Variants in FOXN3 observed in about 807,000 individuals in gnomAD.
The protein encoded by FOXN3 is forkhead box protein N3.
A neutral mutation model predicts 38.4 loss-of-function variants in FOXN3; 7 were observed. That is an observed-to-expected ratio of 0.18 (90% confidence interval 0.10 to 0.34). The LOEUF (loss-of-function observed/expected upper bound fraction) is 0.34. FOXN3 is among the 10% of genes least tolerant of loss of function. FOXN3 has a pLI of 1.00. For synonymous variants in FOXN3, 230 were observed against 242.2 expected, an observed-to-expected ratio of 0.95 and a Z score of 0.47; for missense variants, 456 against 613.4, an observed-to-expected ratio of 0.74 and a Z score of 2.71.
chr14:89,600,751 TATTA>T (rs1896138964), intron 1 of FOXN3, among the ~76,000 whole-genome samples: 1 of 152,158 alleles, frequency 6.6e-6, no homozygotes, highest in African/African-American at 2.4e-5. Context: ...CCCTATATAC[TATTA>T]ATGCCCTTGG....
At chr14:89,427,301 CTTTTTTT>C (rs34755821) in intron 1 of FOXN3, among the ~76,000 whole-genome samples, 1 of 67,744 alleles carries the variant, frequency 1.5e-5, no homozygotes, top group Non-Finnish European at 2.5e-5. Context: ...GAAAAGGGGA[CTTTTTTT>C]TTTTTTTTTT....
intron 1 of FOXN3, among the ~76,000 whole-genome samples, chr14:89,565,386 C>T (rs1895329922): frequency 1.3e-5 from 2 of 152,114 alleles, no homozygotes; most frequent in South Asian, 4.1e-4. Context: ...TTTGTTATGG[C>T]AACCCAGAGA....
At chr14:89,590,374 G>A (rs1895924626) in intron 1 of FOXN3, among the ~76,000 whole-genome samples, 1 of 152,076 alleles carries the variant, frequency 6.6e-6, no homozygotes, top group Non-Finnish European at 1.5e-5. Context: ...AAGACTGAGG[G>A]TATATGGAAG....
At chr14:89,250,132 A>G (rs997114388) in intron 4 of FOXN3, among the ~76,000 whole-genome samples, 5 of 152,210 alleles carry the variant, frequency 3.3e-5, no homozygotes, top group African/African-American at 1.2e-4. Flanking sequence ...TTTGTTTCAG[A>G]CAGGGTCTTG....
chr14:89,544,547 C>A (rs962584461), intron 1 of FOXN3, among the ~76,000 whole-genome samples: 1 of 152,076 alleles, frequency 6.6e-6, no homozygotes, highest in Non-Finnish European at 1.5e-5. Context: ...TGCTGTAGGG[C>A]GACAGAGAAA....
intron 2 of FOXN3, among the ~76,000 whole-genome samples, chr14:89,404,603 G>C (rs1017035685): frequency 1.3e-5 from 2 of 151,206 alleles, no homozygotes; most frequent in African/African-American, 4.9e-5. Flanking sequence ...TCCTATTCCA[G>C]GGCCTGTGAC....
At chr14:89,357,870 C>G (rs1170660131) in intron 2 of FOXN3, among the ~76,000 whole-genome samples, 1 of 152,194 alleles carries the variant, frequency 6.6e-6, no homozygotes, top group Non-Finnish European at 1.5e-5. Flanking sequence ...GCGACTGTAT[C>G]TGGAGGAATG....
intron 1 of FOXN3, among the ~76,000 whole-genome samples, chr14:89,416,220 C>A (rs1370525139): frequency 6.6e-6 from 1 of 152,180 alleles, no homozygotes; most frequent in East Asian, 1.9e-4. Flanking sequence ...GGCTGCACCC[C>A]GCGTCAATCA....
chr14:89,168,033 T>G (rs1887286361), intron 5 of FOXN3, among the ~76,000 whole-genome samples: 1 of 152,116 alleles, frequency 6.6e-6, no homozygotes, highest in East Asian at 1.9e-4. Flanking sequence ...AAGAACATAC[T>G]TTAAACCCAA....
At chr14:89,256,962 C>T (rs891143922) in intron 4 of FOXN3, among the ~76,000 whole-genome samples, 1 of 152,162 alleles carries the variant, frequency 6.6e-6, no homozygotes, top group Non-Finnish European at 1.5e-5. Context: ...TAGTTTAGAC[C>T]CCTCAAGATA....
At chr14:89,270,648 T>A (rs570896126) in intron 4 of FOXN3, among the ~76,000 whole-genome samples, 17 of 152,216 alleles carry the variant, frequency 1.1e-4, no homozygotes, top group Admixed American at 1.1e-3. Context: ...CTCCTAGTTA[T>A]GCTGCCTCCT....
intron 1 of FOXN3, among the ~76,000 whole-genome samples, chr14:89,558,915 C>T (rs1895186095): frequency 6.6e-6 from 1 of 152,198 alleles, no homozygotes; most frequent in Admixed American, 6.5e-5. Context: ...CACATTTGGG[C>T]ACACTTAGGC....
At chr14:89,401,501 A>G in intron 2 of FOXN3, 1 of 444,822 alleles carries the variant, frequency 2.2e-6, no homozygotes, top group Non-Finnish European at 4.5e-6. Context: ...TCTCAACTTT[A>G]CAAGCCTCAA....
intron 1 of FOXN3, among the ~76,000 whole-genome samples, chr14:89,536,101 C>G (rs1181857053): frequency 6.6e-6 from 1 of 152,158 alleles, no homozygotes; most frequent in Non-Finnish European, 1.5e-5. Context: ...TCACTGGAGG[C>G]AAAATAAAGC....
At chr14:89,406,036 C>T (rs1480187604) in intron 2 of FOXN3, among the ~76,000 whole-genome samples, 1 of 152,122 alleles carries the variant, frequency 6.6e-6, no homozygotes, top group Non-Finnish European at 1.5e-5. Flanking sequence ...CAGGATCTAG[C>T]TCTGTCACCA....
In FOXN3 at chr14:89,433,779, T is replaced by C. The variant is rs1187153172; in HGVS notation, c.-14-21289A>G. ...GTGAGCTGAGATCACGCCACTTCACTCCAGCCTGGGTGAAAGAGCGAAACT... is the reference window on the plus strand; with the variant it reads ...GTGAGCTGAGATCACGCCACTTCACCCCAGCCTGGGTGAAAGAGCGAAACT... On this transcript the variant is annotated intron_variant, in intron 1 of 6. Transcript: ENST00000345097. 2.0e-5 allele frequency among the ~76,000 whole-genome samples: 3 copies of C among 148,140 alleles called. No homozygotes were observed. In the East Asian group the frequency reaches 6.0e-4, roughly 30 times the overall value.
intron 1 of FOXN3, among the ~76,000 whole-genome samples, chr14:89,450,003 G>T (rs925109803): frequency 6.6e-6 from 1 of 152,184 alleles, no homozygotes; most frequent in African/African-American, 2.4e-5. Flanking sequence ...CACTCAAGCC[G>T]CACTGGTCAA....
rs956330557 is a variant in FOXN3 at position 89,218,521 on chromosome 14, G to A, written c.746-37715C>T. Among the ~76,000 whole-genome samples the A allele has an allele frequency of 1.6e-4, 25 of 152,204 alleles. 1 individual carries two copies. The highest frequency in any genetic ancestry group is 1.3e-4 in the Admixed American group (2 of 15,288). On this transcript the variant is annotated intron_variant, in intron 4 of 5. Coordinates refer to ENST00000557258, the MANE Select transcript of FOXN3 (RefSeq NM_005197.4). The stretch of plus-strand genomic sequence containing the variant: ...TTAAGTTTGTGTGTGTTTTACACAT[G>A]TGAAGACAAACGTATACATTGTTCT...
At chr14:89,615,525 A>T (rs1896479318) in intron 1 of FOXN3, among the ~76,000 whole-genome samples, 1 of 152,224 alleles carries the variant, frequency 6.6e-6, no homozygotes, top group South Asian at 2.1e-4. Context: ...GCCCCTTTCG[A>T]AACGAAGTGT....
Sources: gnomAD v4.1 joint callset for allele counts (sites outside exome capture counted in the v4.1 genomes callset) on GRCh38, gnomAD v4.1.1 for gene constraint, MANE v1.5 for transcripts, NCBI Gene and HGNC (gene_info 2026-07-23, HGNC 2026-07-21) for gene names.